Variants in RALGAPA2 observed in about 807,000 individuals in gnomAD.
RALGAPA2 encodes the protein Ral GTPase activating protein catalytic subunit alpha 2, also known as ral GTPase-activating protein subunit alpha-2.
RALGAPA2 carries 139 observed loss-of-function variants against 230.4 expected under a neutral mutation model. The ratio of observed to expected loss-of-function variants is 0.60; its 90% CI spans 0.53 to 0.69. The LOEUF (loss-of-function observed/expected upper bound fraction) is 0.69, where lower values mean the gene tolerates loss of function less well. Among genes scored for constraint, RALGAPA2 ranks in the 30% least tolerant of loss-of-function variants. The pLI, the probability that RALGAPA2 is intolerant of heterozygous loss-of-function variation, is 0.00. For synonymous variants in RALGAPA2, 847 were observed against 837.8 expected, an observed-to-expected ratio of 1.01 and a Z score of -0.19; for missense variants, 2,163 against 2,276.0, an observed-to-expected ratio of 0.95 and a Z score of 1.01.
At position 20,571,344 on chromosome 20, in the gene RALGAPA2, C is replaced by T; in HGVS notation, c.3156+114G>A. On this transcript the variant is annotated intron_variant, in intron 23 of 39. Transcript: ENST00000202677. ...CTTGCTGTGTGTAAAAGAGTTGAAACTACTGAGAAATTCAACACTTCTGAT... is the reference window on the plus strand; with the variant it reads ...CTTGCTGTGTGTAAAAGAGTTGAAATTACTGAGAAATTCAACACTTCTGAT... 7 of 1,188,060 alleles carry T rather than the reference C, an allele frequency of 5.9e-6. No individual in the cohort carries two copies. In the South Asian group the frequency reaches 9.9e-5, roughly 17 times the overall value. 73.6% of individuals were successfully genotyped at this position (1,188,060 alleles called of 1,614,324 possible).
intron 36 of RALGAPA2, among the ~76,000 whole-genome samples, chr20:20,494,035 C>T (rs2123594483): frequency 6.6e-6 from 1 of 152,260 alleles, no homozygotes; most frequent in East Asian, 1.9e-4. Context: ...AGTATTCTCT[C>T]TCCATAGTAG....
intron 37 of RALGAPA2, among the ~76,000 whole-genome samples, chr20:20,443,612 T>C (rs1404732868): frequency 6.6e-6 from 1 of 152,214 alleles, no homozygotes; most frequent in East Asian, 1.9e-4. Flanking sequence ...GTGCAAGGCG[T>C]ACCACATGAC....
chr20:20,591,350 C>A, intron 16 of RALGAPA2, 36 bp from the exon 17 acceptor site: 2 of 1,582,728 alleles, frequency 1.3e-6, no homozygotes, highest in Non-Finnish European at 1.7e-6. Context: ...AGTTACAGTT[C>A]AAGTTTTTAA....
At chr20:20,618,958 C>G (rs6082068) in intron 12 of RALGAPA2, among the ~76,000 whole-genome samples, 8,054 of 152,184 alleles carry the variant, frequency 0.053, 284 homozygotes, top group East Asian at 0.16. Context: ...TAACTTACTA[C>G]TCATAAGTGT....
chr20:20,525,192 T>C (rs2063162976), intron 28 of RALGAPA2, among the ~76,000 whole-genome samples: 1 of 152,180 alleles, frequency 6.6e-6, no homozygotes, highest in Non-Finnish European at 1.5e-5. Flanking sequence ...TTCCACAGTT[T>C]TCATAGTGAA....
chr20:20,591,275 G>A lies in RALGAPA2; in HGVS notation c.2243C>T (p.Ala748Val), dbSNP rs367664754. The A allele has an allele frequency of 6.2e-7, 1 of 1,613,838 alleles. No individual in the cohort carries two copies. The highest frequency in any genetic ancestry group is 2.2e-5 in the East Asian group (1 of 44,862). Reference sequence around the variant, plus strand: ...TCCCACTGTGAGATGGCCAGATCCGGCTGCAGGTGCATTTTCTGACTGTTG... The same window carrying A: ...TCCCACTGTGAGATGGCCAGATCCGACTGCAGGTGCATTTTCTGACTGTTG... ...ECQQSENAPA[A>V]GSGHLTVGQQ... is the part of the protein sequence containing the mutation. Residue 748 changes from alanine to valine, a missense_variant, in exon 17 of 40, where the codon GCC becomes GTC. Physicochemically the swap from Ala to Val is moderately conservative, Grantham distance 64. Coordinates refer to ENST00000202677, the MANE Select transcript of RALGAPA2 (RefSeq NM_020343.4).
At chr20:20,619,829 C>T (rs1471678445) in intron 11 of RALGAPA2, among the ~76,000 whole-genome samples, 1 of 152,212 alleles carries the variant, frequency 6.6e-6, no homozygotes, top group Non-Finnish European at 1.5e-5. Flanking sequence ...AAATTTAAAA[C>T]ATTTTAAATT....
chr20:20,558,453 C>T (rs1372321609), intron 23 of RALGAPA2, among the ~76,000 whole-genome samples: 1 of 152,170 alleles, frequency 6.6e-6, no homozygotes, highest in East Asian at 1.9e-4. Context: ...ATTGCTTCAG[C>T]TTAAAAATAT....
chr20:20,482,954 A>T (rs1473623886), intron 36 of RALGAPA2, among the ~76,000 whole-genome samples: 2 of 152,230 alleles, frequency 1.3e-5, no homozygotes, highest in African/African-American at 2.4e-5. Flanking sequence ...ACTCCTGCTC[A>T]TCTACCCACA....
At chr20:20,602,062 A>G (rs1159796337) in intron 15 of RALGAPA2, among the ~76,000 whole-genome samples, 1 of 152,250 alleles carries the variant, frequency 6.6e-6, no homozygotes, top group Non-Finnish European at 1.5e-5. Flanking sequence ...AAGAATCTAA[A>G]ACAGTCTTAT....
At chr20:20,700,840 T>C (rs567860933) in intron 1 of RALGAPA2, among the ~76,000 whole-genome samples, 8 of 152,316 alleles carry the variant, frequency 5.3e-5, no homozygotes, top group African/African-American at 1.9e-4. Flanking sequence ...TAATTCATGA[T>C]CTTGAATCAT....
chr20:20,584,031 G>A (rs2065061734), intron 19 of RALGAPA2, among the ~76,000 whole-genome samples: 1 of 152,124 alleles, frequency 6.6e-6, no homozygotes, highest in African/African-American at 2.4e-5. Context: ...GGTGACCAAT[G>A]GTAGGTCCCA....
intron 38 of RALGAPA2, among the ~76,000 whole-genome samples, chr20:20,402,451 G>C (rs190379988): frequency 1.1e-4 from 17 of 152,344 alleles, no homozygotes; most frequent in Admixed American, 4.6e-4. Flanking sequence ...GCACACGCGT[G>C]CTCATGACCA....
Position 20,571,880 on chromosome 20 carries a change from G to A in RALGAPA2, c.2968C>T (p.Pro990Ser), listed in dbSNP as rs1285433349. The A allele has an allele frequency of 1.9e-6, 3 of 1,611,760 alleles. No individual in the cohort carries two copies. Among genetic ancestry groups the A allele is most frequent in the Admixed American group, 1.7e-5 (1 of 59,812 alleles). ...AGCCATGATGCAAACATTCTGAGTG[G>A]TGGGATCAAAACTGGAGGAGATGGA... ...SSPSPPVLIP[P>S]LRMFASWLFK... The change falls in exon 22 of 40, where the codon CCA (proline) becomes TCA (serine). Residue 990 changes from proline (P) to serine (S), a missense_variant. Transcript: ENST00000202677.
chr20:20,538,265 C>T (rs939524522), intron 24 of RALGAPA2, among the ~76,000 whole-genome samples: 1 of 152,104 alleles, frequency 6.6e-6, no homozygotes, highest in Admixed American at 6.5e-5. Context: ...TGGGATGAGG[C>T]AAGGATTGGT....
rs1274836695 is a variant in RALGAPA2 at position 20,511,286 on chromosome 20, C to G, written c.4896G>C (p.Leu1632Phe). The G allele has an allele frequency of 6.4e-7, 1 of 1,568,056 alleles. No homozygotes were observed. The highest frequency in any genetic ancestry group is 8.7e-7 in the Non-Finnish European group (1 of 1,155,504). ...FHLLKKNSKLLRELKNLDSRQ... is the reference protein window; with the variant it reads ...FHLLKKNSKLFRELKNLDSRQ... ...GGGAGTCCAAATTTTTCAGCTCTCT[C>G]AATAATTTTGAATTTTTCTTCAATA... Residue 1632 changes from leucine (L) to phenylalanine (F), a missense_variant, in exon 33 of 40, where the codon TTG becomes TTC. Physicochemically the swap from Leu to Phe is conservative, Grantham distance 22. Coordinates refer to ENST00000202677, the MANE Select transcript of RALGAPA2 (RefSeq NM_020343.4).
chr20:20,627,645 G>A (rs369742887), intron 10 of RALGAPA2, among the ~76,000 whole-genome samples: 30 of 152,322 alleles, frequency 2.0e-4, no homozygotes, highest in Admixed American at 7.8e-4. Flanking sequence ...TCATGATCCC[G>A]AGAGGGCACA....
chr20:20,435,976 A>C (rs2060603332), intron 37 of RALGAPA2, among the ~76,000 whole-genome samples: 1 of 152,252 alleles, frequency 6.6e-6, no homozygotes, highest in Admixed American at 6.5e-5. Flanking sequence ...TAGCTGCTCA[A>C]GTCTTGAAAT....
chr20:20,699,098 C>T (rs893604842), intron 1 of RALGAPA2, among the ~76,000 whole-genome samples: 44 of 152,034 alleles, frequency 2.9e-4, no homozygotes, highest in African/African-American at 1.1e-3. Context: ...ATATTTTGAA[C>T]ATTTATTTAT....
Sources: gnomAD v4.1 joint callset for allele counts (sites outside exome capture counted in the v4.1 genomes callset) on GRCh38, gnomAD v4.1.1 for gene constraint, MANE v1.5 for transcripts, NCBI Gene and HGNC (gene_info 2026-07-23, HGNC 2026-07-21) for gene names.